Variants in LHPP observed in about 807,000 individuals in gnomAD.
LHPP encodes phospholysine phosphohistidine inorganic pyrophosphate phosphatase.
In LHPP, 24 loss-of-function variants were observed where a neutral mutation model predicts 30.3. The ratio of observed to expected loss-of-function variants is 0.79; its 90% CI spans 0.57 to 1.11. LHPP has a LOEUF of 1.11. Ranked by LOEUF, LHPP falls within the 50% of genes most tolerant of loss-of-function variation. LHPP has a pLI of 0.00. For missense variants in LHPP, 356 were observed against 367.2 expected (o/e 0.97, Z 0.25); for synonymous variants, 150 against 157.1 (o/e 0.95, Z 0.34).
At chr10:124,476,466 G>A (rs1460934609) in intron 1 of LHPP, among the ~76,000 whole-genome samples, 2 of 152,182 alleles carry the variant, frequency 1.3e-5, no homozygotes, top group African/African-American at 2.4e-5. Context: ...CTGGAAGGCT[G>A]GGCACCACCA....
intron 3 of LHPP, among the ~76,000 whole-genome samples, chr10:124,494,923 G>A (rs973723184): frequency 6.6e-6 from 1 of 152,054 alleles, no homozygotes; most frequent in African/African-American, 2.4e-5. Context: ...TGCCAAGGGG[G>A]ACCAAGGTAA....
rs1211511141 is a variant in LHPP at position 124,592,291 on chromosome 10, T to A, written c.717-20973T>A. ...CCCGGGCCTGATGGCTCCTCAACCC[T>A]CTCAGCACCCCAAAGAGGGAAGTCC... is the stretch of plus-strand genomic sequence containing the variant. On this transcript the variant is annotated intron_variant, in intron 6 of 6. Transcript: ENST00000368842. This position sits in a 1 kb window ranked among gnomAD's most constrained non-coding sequence, Gnocchi z 6.2. Among the ~76,000 whole-genome samples, 1 of 151,964 alleles carries A rather than the reference T, an allele frequency of 6.6e-6. No individual in the cohort carries two copies. Among genetic ancestry groups the A allele is most frequent in the Non-Finnish European group, 1.5e-5 (1 of 67,966 alleles).
chr10:124,470,586 GC>G (rs1388668820), intron 1 of LHPP, among the ~76,000 whole-genome samples: 1 of 151,910 alleles, frequency 6.6e-6, no homozygotes, highest in Non-Finnish European at 1.5e-5. Flanking sequence ...CCTCCTTCAT[GC>G]CCGGCTTCCC....
In LHPP at chr10:124,541,991, G is replaced by A. The variant is rs1271708800; in HGVS notation, c.716+24720G>A. Among the ~76,000 whole-genome samples the A allele has an allele frequency of 6.6e-6, 1 of 152,164 alleles. No individual in the cohort carries two copies. Among genetic ancestry groups the A allele is most frequent in the Non-Finnish European group, 1.5e-5 (1 of 67,976 alleles). On this transcript the variant is annotated intron_variant, in intron 6 of 6. Transcript: ENST00000368842. The surrounding 1 kb of genome is among the most constrained non-coding windows in gnomAD (Gnocchi z 4.2). ...GACATGAAACGGACAGCAGGAGGGGGCTTTGAGGGGTCTCTCCTGAGACAC... is the reference window on the plus strand; with the variant it reads ...GACATGAAACGGACAGCAGGAGGGGACTTTGAGGGGTCTCTCCTGAGACAC...
intron 6 of LHPP, among the ~76,000 whole-genome samples, chr10:124,608,642 T>A: frequency 6.6e-6 from 1 of 152,174 alleles, no homozygotes; most frequent in Admixed American, 6.5e-5. Flanking sequence ...GGGGGCTGAT[T>A]TACTGAGCTA....
intron 1 of LHPP, among the ~76,000 whole-genome samples, chr10:124,477,214 A>G (rs1364370342): frequency 6.6e-6 from 1 of 152,044 alleles, no homozygotes; most frequent in Non-Finnish European, 1.5e-5. Flanking sequence ...AAACAAAAAC[A>G]TTTCATGCCA....
At chr10:124,553,751 G>A (rs935712028) in intron 6 of LHPP, among the ~76,000 whole-genome samples, 22 of 152,336 alleles carry the variant, frequency 1.4e-4, no homozygotes, top group Middle Eastern at 3.4e-3. Context: ...GAGCCACCAC[G>A]CCCGGCCTAC....
intron 1 of LHPP, among the ~76,000 whole-genome samples, chr10:124,473,251 G>A (rs1952843456): frequency 6.6e-6 from 1 of 152,192 alleles, no homozygotes; most frequent in South Asian, 2.1e-4. Context: ...AGCCATATTG[G>A]CAAAGCAGTG....
At chr10:124,542,815 A>G (rs1180091632) in intron 6 of LHPP, among the ~76,000 whole-genome samples, 1 of 151,664 alleles carries the variant, frequency 6.6e-6, no homozygotes, top group East Asian at 1.9e-4. Context: ...CCTCACGTTC[A>G]TGGGGTTTTG....
Position 124,566,164 on chromosome 10 carries a change from T to A in LHPP, c.717-47100T>A, listed in dbSNP as rs529981289. Among the ~76,000 whole-genome samples, 19 of 152,282 alleles carry A rather than the reference T, an allele frequency of 1.2e-4. 1 individual carries two copies. The highest frequency in any genetic ancestry group is 4.6e-4 in the African/African-American group (19 of 41,574). On this transcript the variant is annotated intron_variant, in intron 6 of 6. Transcript: ENST00000368842. ...CCAGCCTGGCCTCCCAGCATCACCT[T>A]CTCCAGTTACTTGAAGTGGGCCAGG...
At chr10:124,528,710 C>G (rs1954807428) in intron 6 of LHPP, among the ~76,000 whole-genome samples, 1 of 152,204 alleles carries the variant, frequency 6.6e-6, no homozygotes. Context: ...CGGGAGGAGG[C>G]CCAACCCTGT....
intron 6 of LHPP, among the ~76,000 whole-genome samples, chr10:124,544,896 C>T (rs991195173): frequency 1.3e-5 from 2 of 152,280 alleles, no homozygotes; most frequent in East Asian, 1.9e-4. Context: ...GCCACTGTGG[C>T]GCGAGTGCAT....
At chr10:124,573,426 C>T (rs1948615493) in intron 6 of LHPP, among the ~76,000 whole-genome samples, 1 of 152,232 alleles carries the variant, frequency 6.6e-6, no homozygotes, top group South Asian at 2.1e-4. Flanking sequence ...ATCCTCCCGC[C>T]TCAGCCTCCC....
chr10:124,488,509 A>C lies in LHPP; in HGVS notation c.401A>C (p.Asn134Thr). 2 of 1,614,018 alleles carry C rather than the reference A, an allele frequency of 1.2e-6. No homozygotes were observed. The highest frequency in any genetic ancestry group is 1.7e-6 in the Non-Finnish European group (2 of 1,179,998). Residue 134 changes from asparagine to threonine, a missense_variant, in exon 3 of 7, where the codon AAC (asparagine) becomes ACC (threonine). Asn to Thr is a moderately conservative substitution (Grantham distance 65, BLOSUM62 0). Transcript: ENST00000368842. ...GCAGGAGAAAGCTTTTCTTATCAAA[A>C]CATGAATAACGCCTTCCAGGTGCTC... ...ADAGESFSYQ[N>T]MNNAFQVLME... is the part of the protein sequence containing the mutation.
chr10:124,537,539 C>T (rs757054294), intron 6 of LHPP, among the ~76,000 whole-genome samples: 34 of 152,248 alleles, frequency 2.2e-4, no homozygotes, highest in Admixed American at 1.8e-3. Flanking sequence ...GCAGCAGACA[C>T]CATGAGCCCC....
At chr10:124,466,959 A>G (rs1416529083) in intron 1 of LHPP, among the ~76,000 whole-genome samples, 1 of 151,412 alleles carries the variant, frequency 6.6e-6, no homozygotes, top group African/African-American at 2.4e-5. Context: ...CCCCATCTCT[A>G]CAAAAAATAC....
intron 6 of LHPP, among the ~76,000 whole-genome samples, chr10:124,554,487 C>T (rs1297641119): frequency 5.9e-5 from 9 of 152,280 alleles, no homozygotes; most frequent in Non-Finnish European, 7.3e-5. Context: ...TGAGCCACTA[C>T]ACCCGGCCTG....
chr10:124,467,118 T>TA lies in LHPP; in HGVS notation c.125+5142dup, dbSNP rs386362126. On this transcript the variant is annotated intron_variant, in intron 1 of 6. Transcript: ENST00000368842. ...CAGCCTGGGTGACAGAGTGAGACTC[T>TA]AAAAAAAAAAACCATTGTTTTTTAA... Among the ~76,000 whole-genome samples, 76 of 63,426 alleles carry TA rather than the reference T, an allele frequency of 1.2e-3. 2 individuals are homozygous for TA. In the East Asian group the frequency reaches 0.06, roughly 50 times the overall value. 41.6% of individuals were successfully genotyped at this position (63,426 alleles called of 152,430 possible). A position where few individuals can be genotyped will look rare whatever the true frequency, so the allele number is the denominator to read the frequency against.
intron 6 of LHPP, among the ~76,000 whole-genome samples, chr10:124,563,209 C>T (rs1948425300): frequency 6.6e-6 from 1 of 152,028 alleles, no homozygotes; most frequent in African/African-American, 2.4e-5. Flanking sequence ...TAGCCCCAAA[C>T]TAGAAGCAAT....
Sources: gnomAD v4.1 joint callset for allele counts (sites outside exome capture counted in the v4.1 genomes callset) on GRCh38, gnomAD v4.1.1 for gene constraint, Gnocchi (gnomAD v3.1) non-coding constraint, MANE v1.5 for transcripts, NCBI Gene and HGNC (gene_info 2026-07-23, HGNC 2026-07-21) for gene names.